NAV2: variants seen among roughly 807,000 people sequenced by gnomAD.
NAV2 encodes the protein helicase, APC down-regulated 1.
NAV2 carries 54 observed loss-of-function variants against 223.2 expected under a neutral mutation model. The ratio of observed to expected loss-of-function variants is 0.24; its 90% CI spans 0.19 to 0.30. NAV2 has a LOEUF of 0.30. Among genes scored for constraint, NAV2 ranks in the 10% least tolerant of loss-of-function variants. The probability of loss-of-function intolerance (pLI) is 1.00; values close to 1 mark genes in which losing one functional copy is unlikely to be tolerated. For missense variants in NAV2, 2,806 were observed against 3,147.5 expected, an observed-to-expected ratio of 0.89 and a Z score of 2.60; for synonymous variants, 1,279 against 1,239.3, an observed-to-expected ratio of 1.03 and a Z score of -0.67.
intron 1 of NAV2, among the ~76,000 whole-genome samples, chr11:19,419,118 G>A (rs1057124079): frequency 4.6e-5 from 7 of 152,128 alleles, no homozygotes; most frequent in African/African-American, 1.2e-4. Flanking sequence ...GGCACTGGGG[G>A]GCTGGCACTG....
intron 1 of NAV2, among the ~76,000 whole-genome samples, chr11:19,792,831 C>T (rs896356221): frequency 1.3e-5 from 2 of 151,252 alleles, no homozygotes; most frequent in Admixed American, 6.6e-5. Flanking sequence ...AACTTTGAGA[C>T]TTGGGTTGTG....
At chr11:19,943,868 T>C (rs7104523) in intron 8 of NAV2, among the ~76,000 whole-genome samples, 2,309 of 152,196 alleles carry the variant, frequency 0.015, 55 homozygotes, top group African/African-American at 0.053. Flanking sequence ...TTATTGTAGT[T>C]ATTGCACCTC....
chr11:20,079,155 C>A (rs1233413330), intron 24 of NAV2, among the ~76,000 whole-genome samples: 1 of 152,202 alleles, frequency 6.6e-6, no homozygotes, highest in Non-Finnish European at 1.5e-5. Context: ...ATTCTCCTGC[C>A]TCCACCTCCT....
chr11:19,660,142 C>A (rs1332234866), intron 1 of NAV2, among the ~76,000 whole-genome samples: 2 of 152,150 alleles, frequency 1.3e-5, no homozygotes, highest in Non-Finnish European at 2.9e-5. Flanking sequence ...GTTTGGCAGG[C>A]AAAGCTGTTC....
intron 1 of NAV2, among the ~76,000 whole-genome samples, chr11:19,608,249 T>C (rs1003360383): frequency 1.3e-5 from 2 of 152,230 alleles, no homozygotes; most frequent in East Asian, 3.8e-4. Context: ...TGTTCATAAG[T>C]GGTAAGATGT....
intron 1 of NAV2, among the ~76,000 whole-genome samples, chr11:19,737,304 A>C (rs908064953): frequency 6.6e-6 from 1 of 152,246 alleles, no homozygotes; most frequent in Non-Finnish European, 1.5e-5. Context: ...GAATCTACAT[A>C]TTATACACCG....
intron 1 of NAV2, among the ~76,000 whole-genome samples, chr11:19,723,588 G>A (rs151041167): frequency 3.2e-4 from 49 of 152,242 alleles, no homozygotes; most frequent in East Asian, 9.7e-4. Context: ...CTTCCCCCTC[G>A]TTGGGGCCTT....
At position 19,833,753 on chromosome 11, in the gene NAV2, G is replaced by A. The variant is rs184331925; in HGVS notation, c.385+1152G>A. ...CCCAGGGTTGCATTCTCATCTGGAG[G>A]CTTAACTGGGGAAGGGTTTGCTTCT... On this transcript the variant is annotated intron_variant, in intron 2 of 37. Transcript: ENST00000349880. 2.3e-3 allele frequency among the ~76,000 whole-genome samples: 351 copies of A among 152,276 alleles called. 1 individual carries two copies. Among genetic ancestry groups the A allele is most frequent in the Middle Eastern group, 0.014 (4 of 294 alleles).
At position 19,743,623 on chromosome 11, in the gene NAV2, G is replaced by A. The variant is rs543192023; in HGVS notation, c.267+29661G>A. Among the ~76,000 whole-genome samples the A allele has an allele frequency of 1.1e-4, 17 of 152,372 alleles. No homozygotes were observed. In the South Asian group the frequency reaches 3.5e-3, roughly 32 times the overall value. On this transcript the variant is annotated intron_variant, in intron 1 of 37. Transcript: ENST00000349880. Reference sequence around the variant, plus strand: ...GGGTCTCAATGAAGGACAAGATGCAGAATTCCAAGGCGAGGCCACAAAAAA... The same window carrying A: ...GGGTCTCAATGAAGGACAAGATGCAAAATTCCAAGGCGAGGCCACAAAAAA...
At position 20,101,183 on chromosome 11, in the gene NAV2, C is replaced by G. The variant is rs2153699174; in HGVS notation, c.6417+11C>G. 6.3e-7 allele frequency: 1 copy of G among 1,597,898 alleles called. No homozygotes were observed. The highest frequency in any genetic ancestry group is 1.7e-5 in the Admixed American group (1 of 59,752). ...CATAAGTCCAGCAAGGTGAGGAGGT[C>G]ATTCTGAGTCTGCTGTATTTTTTGG... On this transcript the variant is annotated intron_variant, in intron 32 of 37. Coordinates refer to ENST00000349880, the MANE Select transcript of NAV2 (RefSeq NM_145117.5).
At chr11:19,715,398 G>A (rs542237020) in intron 1 of NAV2, among the ~76,000 whole-genome samples, 15 of 152,228 alleles carry the variant, frequency 9.9e-5, no homozygotes, top group African/African-American at 3.6e-4. Flanking sequence ...CTCTGCCATG[G>A]GGGTGAGCAC....
intron 11 of NAV2, chr11:20,027,157 G>GGTTC (rs1466955015): frequency 1.6e-6 from 1 of 612,444 alleles, no homozygotes; most frequent in African/African-American, 2.0e-5. Flanking sequence ...ATGCTCCCGA[G>GGTTC]AAAACCTCCT....
chr11:20,045,937 C>T (rs1359434525), intron 14 of NAV2, among the ~76,000 whole-genome samples: 4 of 152,168 alleles, frequency 2.6e-5, no homozygotes, highest in African/African-American at 7.2e-5. Flanking sequence ...AACAATTCTG[C>T]CTTAGTTTCC....
rs149569637 is a variant in NAV2, at chr11:19,984,177, C to A, written c.2698C>A (p.Pro900Thr). 3 of 1,614,054 alleles carry A rather than the reference C, an allele frequency of 1.9e-6. No homozygotes were observed. Among genetic ancestry groups the A allele is most frequent in the Non-Finnish European group, 2.5e-6 (3 of 1,180,022 alleles). ...CTATACCCGTCGCCTGAACCGGCTC[C>A]CTGATGGGATGGCTGTGGTACGGGA... is the stretch of plus-strand genomic sequence containing the variant. Reference protein sequence around the residue: ...GLYTRRLNRLPDGMAVVRETL... With the variant: ...GLYTRRLNRLTDGMAVVRETL... Residue 900 changes from proline to threonine, a missense_variant, in exon 11 of 38, where the codon CCT (proline) becomes ACT (threonine). Pro to Thr is a conservative substitution (Grantham distance 38). Coordinates refer to ENST00000349880, the MANE Select transcript of NAV2 (RefSeq NM_145117.5).
chr11:19,647,648 A>G (rs2047854530), intron 1 of NAV2, among the ~76,000 whole-genome samples: 2 of 152,114 alleles, frequency 1.3e-5, no homozygotes, highest in Admixed American at 1.3e-4. Flanking sequence ...TTGGACACCC[A>G]TACCTTGCTG....
At position 20,107,498 on chromosome 11, in the gene NAV2, T is replaced by C. The variant is rs1159025114; in HGVS notation, c.6842-166T>C. 25 of 641,912 alleles carry C rather than the reference T, an allele frequency of 3.9e-5. No individual in the cohort carries two copies. The South Asian group carries it at 4.2e-4, about 11-fold the overall frequency. 39.8% of individuals were successfully genotyped at this position (641,912 alleles called of 1,614,324 possible). On this transcript the variant is annotated intron_variant, in intron 35 of 37. Coordinates refer to ENST00000349880, the MANE Select transcript of NAV2 (RefSeq NM_145117.5). ...AATCAGGGATCAGAGTGTCCTTCTC[T>C]GTGGCCACCATCCAGGGCTAGTATA...
intron 1 of NAV2, among the ~76,000 whole-genome samples, chr11:19,686,090 A>C (rs1024729912): frequency 5.3e-5 from 8 of 151,960 alleles, no homozygotes; most frequent in Non-Finnish European, 1.2e-4. Flanking sequence ...CCCCATGTTC[A>C]TGTCCTAACC....
intron 1 of NAV2, among the ~76,000 whole-genome samples, chr11:19,513,482 A>G (rs1034932177): frequency 1.3e-5 from 2 of 152,126 alleles, no homozygotes; most frequent in African/African-American, 4.8e-5. Flanking sequence ...GAGGGGACAG[A>G]GTGGTGTCCT....
In NAV2 at chr11:19,748,302, A is replaced by T. The variant is rs2053539915; in HGVS notation, c.267+34340A>T. Among the ~76,000 whole-genome samples, 3 of 152,278 alleles carry T rather than the reference A, an allele frequency of 2.0e-5. No homozygotes were observed. In the South Asian group the frequency reaches 6.2e-4, roughly 32 times the overall value. ...TAGGTAACCAAGGATTGCAGAGTTC[A>T]ATTAAGCCACTCTTATTTATCAAGC... On this transcript the variant is annotated intron_variant, in intron 1 of 37. Coordinates refer to ENST00000349880, the MANE Select transcript of NAV2 (RefSeq NM_145117.5).
Sources: gnomAD v4.1 joint callset for allele counts (sites outside exome capture counted in the v4.1 genomes callset) on GRCh38, gnomAD v4.1.1 for gene constraint, MANE v1.5 for transcripts, NCBI Gene and HGNC (gene_info 2026-07-23, HGNC 2026-07-21) for gene names.